CSMD2: variants seen among roughly 807,000 people sequenced by gnomAD.
CSMD2 encodes the protein CUB and sushi domain-containing protein 2.
A neutral mutation model predicts 398.5 loss-of-function variants in CSMD2; 130 were observed. The observed-to-expected ratio is 0.33, with a 90% CI of 0.28 to 0.38. The LOEUF (loss-of-function observed/expected upper bound fraction) is 0.38, where lower values mean the gene tolerates loss of function less well. Among genes scored for constraint, CSMD2 ranks in the 10% least tolerant of loss-of-function variants. The probability of loss-of-function intolerance (pLI) is 1.00; values close to 1 mark genes in which losing one functional copy is unlikely to be tolerated. For missense variants in CSMD2, 3,829 were observed against 4,764.9 expected (o/e 0.80, Z 5.78); for synonymous variants, 1,828 against 1,908.5 (o/e 0.96, Z 1.10).
At chr1:33,748,470 TATTAAC>T in intron 13 of CSMD2, among the ~76,000 whole-genome samples, 1 of 152,304 alleles carries the variant, frequency 6.6e-6, no homozygotes, top group Non-Finnish European at 1.5e-5. Context: ...GTGGGAAACT[TATTAAC>T]AGGTAGATGT....
chr1:34,102,338 C>T (rs1271723280), intron 1 of CSMD2, among the ~76,000 whole-genome samples: 1 of 152,096 alleles, frequency 6.6e-6, no homozygotes, highest in Admixed American at 6.5e-5. Context: ...CCAAAATGTT[C>T]ACTTTCTATA....
chr1:33,625,463 T>G (rs1642059554), intron 33 of CSMD2, among the ~76,000 whole-genome samples: 1 of 152,196 alleles, frequency 6.6e-6, no homozygotes, highest in Non-Finnish European at 1.5e-5. Context: ...GCACAGCTCC[T>G]GGAAAGCACG....
At chr1:33,791,689 T>C (rs1450629796) in intron 11 of CSMD2, among the ~76,000 whole-genome samples, 1 of 152,180 alleles carries the variant, frequency 6.6e-6, no homozygotes, top group Non-Finnish European at 1.5e-5. Context: ...GTTTTCAACA[T>C]GTTGCCCAGG....
In CSMD2 at chr1:33,571,654, T is replaced by C; in HGVS notation, c.7835A>G (p.Tyr2612Cys). ...GRWRLIFETQ[Y>C]QFQAQLMLIC... ...GAGCATCAGCTGGGCCTGGAACTGA[T>C]ACTGTGTCTCAAAGATAAGCCTCCA... Residue 2612 changes from tyrosine (Y) to cysteine (C), a missense_variant, in exon 51 of 71, where the codon TAT (tyrosine) becomes TGT (cysteine). Tyr to Cys is a radical substitution (Grantham distance 194, BLOSUM62 -2). Transcript: ENST00000373381. 2 of 1,585,828 alleles carry C rather than the reference T, an allele frequency of 1.3e-6. No homozygotes were observed. Among genetic ancestry groups the C allele is most frequent in the Non-Finnish European group, 1.7e-6 (2 of 1,161,682 alleles).
chr1:33,573,599 A>T (rs1360779076), intron 49 of CSMD2, among the ~76,000 whole-genome samples: 1 of 152,220 alleles, frequency 6.6e-6, no homozygotes, highest in Admixed American at 6.5e-5. Flanking sequence ...TTAGAGATGA[A>T]AAGTAAATTT....
At chr1:33,724,453 AC>A (rs1646459983) in intron 18 of CSMD2, 62 bp downstream of exon 18, 1 of 1,575,642 alleles carries the variant, frequency 6.3e-7, no homozygotes. Flanking sequence ...TCTTTTGAGC[AC>A]CTGTGTTTCT....
chr1:33,940,717 A>G (rs1286581380), intron 3 of CSMD2, among the ~76,000 whole-genome samples: 1 of 152,224 alleles, frequency 6.6e-6, no homozygotes, highest in Non-Finnish European at 1.5e-5. Context: ...ATCCAAGCAC[A>G]TAGTGGGTGC....
chr1:34,016,013 C>CTGTGTG (rs72213161), intron 3 of CSMD2, among the ~76,000 whole-genome samples: 2,712 of 149,082 alleles, frequency 0.018, 47 homozygotes, highest in East Asian at 0.062. Flanking sequence ...ACTCCTTGCT[C>CTGTGTG]TGTGTGTGTG....
intron 42 of CSMD2, among the ~76,000 whole-genome samples, chr1:33,603,786 G>T (rs1287870318): frequency 1.3e-5 from 2 of 152,220 alleles, no homozygotes; most frequent in Admixed American, 1.3e-4. Context: ...ACTCCTTCTA[G>T]AATTCATATT....
intron 3 of CSMD2, among the ~76,000 whole-genome samples, chr1:34,010,704 C>T (rs936975143): frequency 2.6e-5 from 4 of 151,980 alleles, no homozygotes; most frequent in African/African-American, 9.7e-5. Context: ...CTGCAAGCTC[C>T]GCCTCCCAGG....
At chr1:33,830,026 G>C (rs10914792) in intron 6 of CSMD2, among the ~76,000 whole-genome samples, 119,169 of 151,786 alleles carry the variant, frequency 0.79, 47,624 homozygotes, top group East Asian at 0.94. Context: ...TGGGTGGAGT[G>C]CACCACTGCT....
In CSMD2 at chr1:33,757,671, C is replaced by T. The variant is rs568392413; in HGVS notation, c.1847-14065G>A. 3.3e-5 allele frequency among the ~76,000 whole-genome samples: 5 copies of T among 152,346 alleles called. No homozygotes were observed. In the South Asian group the frequency reaches 1.0e-3, roughly 32 times the overall value. On this transcript the variant is annotated intron_variant, in intron 13 of 70. Coordinates refer to ENST00000373381, the MANE Select transcript of CSMD2 (RefSeq NM_001281956.2). ...CCTCCTGGAGATCCCACCGGCACCT[C>T]AAATGCATGTCCAAAATTGAACTCT...
chr1:34,052,099 C>T (rs1345705517), intron 2 of CSMD2, among the ~76,000 whole-genome samples: 1 of 151,772 alleles, frequency 6.6e-6, no homozygotes, highest in African/African-American at 2.4e-5. Flanking sequence ...CCTGGGTCTC[C>T]AGCTTGCCAA....
At chr1:33,584,534 G>A (rs1037314613) in intron 46 of CSMD2, among the ~76,000 whole-genome samples, 4 of 152,122 alleles carry the variant, frequency 2.6e-5, no homozygotes, top group Admixed American at 6.5e-5. Context: ...GCTGGGTGTG[G>A]TGGCATGTGC....
rs1400437643 is a variant in CSMD2, at chr1:33,514,576, GT to G, written c.*2047del. On this transcript the variant is annotated 3_prime_UTR_variant, in exon 71 of 71. Coordinates refer to ENST00000373381, the MANE Select transcript of CSMD2 (RefSeq NM_001281956.2). ...CTTTACAAGGAGACGCAGGGGAGGG[GT>G]GGGGGGCGGGAATAGGCATCCGCTG... The G allele has an allele frequency of 5.8e-5, 7 of 119,676 alleles. No homozygotes were observed. The highest frequency in any genetic ancestry group is 2.2e-4 in the African/African-American group (7 of 32,188). 7.4% of individuals were successfully genotyped at this position (119,676 alleles called of 1,614,324 possible).
At chr1:33,572,089 T>C (rs1659644952) in intron 50 of CSMD2, among the ~76,000 whole-genome samples, 1 of 152,182 alleles carries the variant, frequency 6.6e-6, no homozygotes, top group Non-Finnish European at 1.5e-5. Flanking sequence ...CAAAATTTGT[T>C]ATAAAGCACC....
intron 2 of CSMD2, among the ~76,000 whole-genome samples, chr1:34,084,017 C>G (rs1289940548): frequency 6.6e-6 from 1 of 152,120 alleles, no homozygotes; most frequent in Non-Finnish European, 1.5e-5. Flanking sequence ...CCTTCTAGCC[C>G]TTCCCCTTTG....
intron 5 of CSMD2, among the ~76,000 whole-genome samples, chr1:33,880,217 T>G (rs1238609776): frequency 6.6e-6 from 1 of 152,162 alleles, no homozygotes; most frequent in African/African-American, 2.4e-5. Flanking sequence ...GGCTCCCAAG[T>G]CAGTGCCCCT....
intron 39 of CSMD2, among the ~76,000 whole-genome samples, 161 bp from the exon 40 acceptor site, chr1:33,614,781 G>A (rs578188635): frequency 3.9e-5 from 6 of 152,244 alleles, no homozygotes; most frequent in Admixed American, 1.3e-4. Flanking sequence ...CTAAGCCCAC[G>A]GGCAACATTC....
Sources: allele counts gnomAD v4.1 joint callset (sites outside exome capture counted in the v4.1 genomes callset), GRCh38; gene constraint gnomAD v4.1.1; transcripts MANE v1.5; gene names NCBI Gene and HGNC (gene_info 2026-07-23, HGNC 2026-07-21).